Variants in CORO1C observed in about 807,000 individuals in gnomAD.
CORO1C encodes the protein coronin 1C.
CORO1C carries 14 observed loss-of-function variants against 51.2 expected under a neutral mutation model. That is an observed-to-expected ratio of 0.27 (90% CI 0.18 to 0.43). The LOEUF is 0.43. CORO1C is among the 20% of genes least tolerant of loss of function. The pLI, the probability that CORO1C is intolerant of heterozygous loss-of-function variation, is 1.00. For synonymous variants in CORO1C, 181 were observed against 210.5 expected (o/e 0.86, Z 1.21); for missense variants, 417 against 607.8 (o/e 0.69, Z 3.30).
rs546893530 is a variant in CORO1C, at chr12:108,712,399, C to T, written c.-5-11076G>A. Among the ~76,000 whole-genome samples, 14 of 151,898 alleles carry T rather than the reference C, an allele frequency of 9.2e-5. No homozygotes were observed. In the East Asian group the frequency reaches 1.9e-3, roughly 21 times the overall value. ...GACCAGCCTGGCCAACATGGTGAAA[C>T]TCCATCTCTAGTAAAATACAAAAAA... On this transcript the variant is annotated intron_variant, in intron 1 of 10. Transcript: ENST00000261401.
In CORO1C at chr12:108,657,336, T is replaced by C. The variant is rs557390202; in HGVS notation, c.718A>G (p.Met240Val). 3.7e-6 allele frequency: 6 copies of C among 1,613,998 alleles called. No individual in the cohort carries two copies. The Admixed American group carries it at 6.7e-5, about 18-fold the overall frequency. ...CAGAGAGCCAGCTGCCGCTCGCTCATGCGGCTGAACCCAGTGGTGAAGACA... is the reference window on the plus strand; with the variant it reads ...CAGAGAGCCAGCTGCCGCTCGCTCACGCGGCTGAACCCAGTGGTGAAGACA... ...GNVFTTGFSR[M>V]SERQLALWNP... Residue 240 changes from methionine (M) to valine (V), a missense_variant, in exon 6 of 11, where the codon ATG becomes GTG. Physicochemically the swap from Met to Val is conservative, Grantham distance 21. Transcript: ENST00000261401.
At chr12:108,662,365 G>A (rs77604030) in intron 3 of CORO1C, among the ~76,000 whole-genome samples, 4,628 of 151,662 alleles carry the variant, frequency 0.031, 234 homozygotes, top group African/African-American at 0.11. Context: ...TTTTTGAGAC[G>A]GAGTCTCACA....
chr12:108,705,459 CAAAA>C (rs1163703701), intron 1 of CORO1C, among the ~76,000 whole-genome samples: 7 of 63,400 alleles, frequency 1.1e-4, no homozygotes, highest in Non-Finnish European at 2.0e-4. Context: ...GACCCTGTCT[CAAAA>C]AAAAAAAAAA....
intron 1 of CORO1C, among the ~76,000 whole-genome samples, chr12:108,720,654 GC>G (rs1194012945): frequency 6.6e-6 from 1 of 151,988 alleles, no homozygotes; most frequent in African/African-American, 2.4e-5. Context: ...CTCCTGAGTA[GC>G]TGGGACTACA....
At chr12:108,649,222 T>C in intron 8 of CORO1C, 1 of 618,574 alleles carries the variant, frequency 1.6e-6, no homozygotes, top group Non-Finnish European at 2.8e-6. Context: ...GTCACTATGC[T>C]AGGAACTGGC....
intron 3 of CORO1C, among the ~76,000 whole-genome samples, 157 bp from the exon 4 acceptor site, chr12:108,662,315 C>CG (rs2033302336): frequency 6.6e-6 from 1 of 150,916 alleles, no homozygotes; most frequent in African/African-American, 2.5e-5. Context: ...CCGTGTTAGG[C>CG]GGTTTTTTTT....
chr12:108,685,062 T>C (rs2034251157), intron 2 of CORO1C, among the ~76,000 whole-genome samples: 1 of 152,220 alleles, frequency 6.6e-6, no homozygotes, highest in South Asian at 2.1e-4. Flanking sequence ...GAAGCGCTTT[T>C]ATTCAAACAC....
At chr12:108,692,951 C>T (rs1364193113) in intron 2 of CORO1C, among the ~76,000 whole-genome samples, 1 of 152,056 alleles carries the variant, frequency 6.6e-6, no homozygotes, top group Admixed American at 6.6e-5. Flanking sequence ...GCGTGTGCCA[C>T]CATGCCCAGC....
At chr12:108,723,302 T>C (rs2035516904) in intron 1 of CORO1C, among the ~76,000 whole-genome samples, 1 of 152,206 alleles carries the variant, frequency 6.6e-6, no homozygotes, top group South Asian at 2.1e-4. Context: ...TTTAAGTTCC[T>C]AAGAATGAAA....
At chr12:108,669,662 A>T (rs1411046808) in intron 3 of CORO1C, among the ~76,000 whole-genome samples, 4 of 109,836 alleles carry the variant, frequency 3.6e-5, no homozygotes, top group Non-Finnish European at 6.8e-5. Context: ...AACTACACAG[A>T]GCTTTTCCGT....
Position 108,652,423 on chromosome 12 carries a change from A to G in CORO1C, c.856-6T>C. The G allele has an allele frequency of 6.2e-7, 1 of 1,612,006 alleles. No individual in the cohort carries two copies. ...TAGCGAATACTGCTGTCACCCTGTA[A>G]GAAACCAGAGACAAGTCTGTGTCTG... On this transcript the variant is annotated splice_region_variant and splice_polypyrimidine_tract_variant and intron_variant, in intron 7 of 10. Transcript: ENST00000261401.
chr12:108,702,653 G>A, intron 1 of CORO1C: 3 of 781,172 alleles, frequency 3.8e-6, no homozygotes, highest in Non-Finnish European at 3.7e-6. Context: ...CATATACAGA[G>A]GAGAGCTAAC....
chr12:108,705,383 C>A (rs1378780478), intron 1 of CORO1C, among the ~76,000 whole-genome samples: 2 of 138,010 alleles, frequency 1.4e-5, no homozygotes, highest in Non-Finnish European at 3.0e-5. Context: ...TTGCTTGAAC[C>A]TGGGAGGCAG....
chr12:108,648,744 G>A lies in CORO1C; in HGVS notation c.1166C>T (p.Ser389Phe). 6.2e-7 allele frequency: 1 copy of A among 1,614,152 alleles called. No homozygotes were observed. The highest frequency in any genetic ancestry group is 8.5e-7 in the Non-Finnish European group (1 of 1,180,038). Reference sequence around the variant, plus strand: ...GCCTGGAATGTACCCGTGCTTCAAGGAGATGAGGATTGGGTCTGCATTCTT... The same window carrying A: ...GCCTGGAATGTACCCGTGCTTCAAGAAGATGAGGATTGGGTCTGCATTCTT... ...EGKNADPILI[S>F]LKHGYIPGKN... The change falls in exon 10 of 11, where the codon TCC (serine) becomes TTC (phenylalanine). Residue 389 changes from serine to phenylalanine, a missense_variant. Transcript: ENST00000261401.
At chr12:108,652,024 CA>C (rs953415380) in intron 8 of CORO1C, 942 of 142,610 alleles carry the variant, frequency 6.6e-3, no homozygotes, top group South Asian at 0.012. Flanking sequence ...GACTCCGTCT[CA>C]AAAAAAAAAA....
chr12:108,675,233 TTAAAA>T (rs2033864394), intron 3 of CORO1C, among the ~76,000 whole-genome samples: 1 of 152,292 alleles, frequency 6.6e-6, no homozygotes, highest in African/African-American at 2.4e-5. Flanking sequence ...TAATTTTCCC[TTAAAA>T]TAAACCAGGA....
Position 108,662,167 on chromosome 12 carries a change from C to T in CORO1C, c.319-9G>A. ...TCTGGGATCTGCCATACCTGTTGGA[C>T]AAGGAAGAAAGATGATCCACATGAA... On this transcript the variant is annotated splice_polypyrimidine_tract_variant and intron_variant, in intron 3 of 10. Transcript: ENST00000261401. The T allele has an allele frequency of 6.2e-7, 1 of 1,612,614 alleles. No individual in the cohort carries two copies. The highest frequency in any genetic ancestry group is 8.5e-7 in the Non-Finnish European group (1 of 1,178,920).
chr12:108,672,015 G>A (rs374885206), intron 3 of CORO1C, among the ~76,000 whole-genome samples: 21 of 152,062 alleles, frequency 1.4e-4, no homozygotes, highest in African/African-American at 3.1e-4. Flanking sequence ...CACCTGCCTC[G>A]GCCTCCCAAA....
chr12:108,729,678 G>C (rs1352472515), intron 1 of CORO1C, among the ~76,000 whole-genome samples: 1 of 152,156 alleles, frequency 6.6e-6, no homozygotes, highest in African/African-American at 2.4e-5. Flanking sequence ...CATTATGACT[G>C]TGAAACATAC....
Sources: allele counts gnomAD v4.1 joint callset (sites outside exome capture counted in the v4.1 genomes callset), GRCh38; gene constraint gnomAD v4.1.1; transcripts MANE v1.5; gene names NCBI Gene and HGNC (gene_info 2026-07-23, HGNC 2026-07-21).